Variants in CAMK2G observed in about 807,000 individuals in gnomAD.
CAMK2G encodes the protein calcium/calmodulin-dependent protein kinase type II subunit gamma.
CAMK2G carries 23 observed loss-of-function variants against 88.7 expected under a neutral mutation model. That is an observed-to-expected ratio of 0.26 (90% CI 0.19 to 0.37). The LOEUF (loss-of-function observed/expected upper bound fraction) is 0.37, where lower values mean the gene tolerates loss of function less well. CAMK2G is among the 10% of genes least tolerant of loss of function. The pLI, the probability that CAMK2G is intolerant of heterozygous loss-of-function variation, is 1.00. For synonymous variants in CAMK2G, 263 were observed against 294.8 expected, an observed-to-expected ratio of 0.89 and a Z score of 1.11; for missense variants, 476 against 780.8, an observed-to-expected ratio of 0.61 and a Z score of 4.65.
chr10:73,841,316 AG>A (rs991901255), intron 12 of CAMK2G, among the ~76,000 whole-genome samples: 1 of 151,990 alleles, frequency 6.6e-6, no homozygotes, highest in African/African-American at 2.4e-5. Flanking sequence ...GGGAAGGAGA[AG>A]GGGGGGTCTT....
intron 21 of CAMK2G, chr10:73,816,171 G>A (rs945283846): frequency 1.0e-6 from 1 of 985,490 alleles, no homozygotes; most frequent in Non-Finnish European, 1.2e-6. Context: ...ATGGGAGGGG[G>A]TGATGATTCA....
intron 2 of CAMK2G, among the ~76,000 whole-genome samples, chr10:73,861,352 C>G (rs931848116): frequency 2.0e-5 from 3 of 152,250 alleles, no homozygotes; most frequent in African/African-American, 7.2e-5. Context: ...CCAGGGTGTC[C>G]AGAATCTCTT....
At chr10:73,857,127 T>C (rs1015376841) in intron 3 of CAMK2G, among the ~76,000 whole-genome samples, 1 of 152,192 alleles carries the variant, frequency 6.6e-6, no homozygotes, top group Non-Finnish European at 1.5e-5. Flanking sequence ...ATTCAATGTT[T>C]CTTTTTATTT....
chr10:73,847,577 C>T (rs530222672), intron 9 of CAMK2G, among the ~76,000 whole-genome samples: 17 of 152,226 alleles, frequency 1.1e-4, no homozygotes, highest in South Asian at 2.1e-4. Flanking sequence ...CAGATTAGAG[C>T]GGGAAGGGGA....
intron 2 of CAMK2G, among the ~76,000 whole-genome samples, chr10:73,865,906 C>T (rs1244429498): frequency 6.6e-6 from 1 of 151,508 alleles, no homozygotes; most frequent in Non-Finnish European, 1.5e-5. Flanking sequence ...ACAACTGCCA[C>T]TTCCCGCTTT....
In CAMK2G at chr10:73,821,645, T is replaced by C. The variant is rs780753128; in HGVS notation, c.1249+37A>G. ...ATTGGAGCCCAGGTACCTGGGTCAC[T>C]GCTGGAGTCCTTCCCCCTCCAAGGG... On this transcript the variant is annotated intron_variant, in intron 18 of 22. Coordinates refer to ENST00000423381, the MANE Select transcript of CAMK2G (RefSeq NM_001367534.1). 12 of 1,556,410 alleles carry C rather than the reference T, an allele frequency of 7.7e-6. No homozygotes were observed. In the South Asian group the frequency reaches 1.4e-4, roughly 18 times the overall value.
chr10:73,870,412 T>C (rs1361711387), intron 2 of CAMK2G, among the ~76,000 whole-genome samples: 1 of 152,152 alleles, frequency 6.6e-6, no homozygotes, highest in Non-Finnish European at 1.5e-5. Context: ...CCTTGCAACC[T>C]AGCCGCCAAT....
intron 2 of CAMK2G, among the ~76,000 whole-genome samples, chr10:73,870,197 T>C (rs975987669): frequency 6.6e-6 from 1 of 152,208 alleles, no homozygotes; most frequent in African/African-American, 2.4e-5. Context: ...CCTGGCCCAC[T>C]AGCTCCTGCA....
chr10:73,859,250 T>TG (rs1168354495), intron 3 of CAMK2G, among the ~76,000 whole-genome samples: 1 of 152,110 alleles, frequency 6.6e-6, no homozygotes, highest in Non-Finnish European at 1.5e-5. Flanking sequence ...TCATAGTGGG[T>TG]GACAAGGACA....
chr10:73,845,898 TCC>T (rs1428820548), intron 10 of CAMK2G, among the ~76,000 whole-genome samples: 2 of 150,598 alleles, frequency 1.3e-5, no homozygotes, highest in African/African-American at 2.4e-5. Flanking sequence ...AATTTTCAAT[TCC>T]CTTCTTTTTT....
Position 73,849,239 on chromosome 10 carries a change from C to T in CAMK2G, c.414+22G>A, listed in dbSNP as rs113189683. The T allele has an allele frequency of 5.1e-5, 82 of 1,606,984 alleles. 1 individual carries two copies. The highest frequency in any genetic ancestry group is 3.3e-4 in the Middle Eastern group (2 of 6,052). On this transcript the variant is annotated intron_variant, in intron 6 of 22. Coordinates refer to ENST00000423381, the MANE Select transcript of CAMK2G (RefSeq NM_001367534.1). ...CGCCAACACTTCATGAGCAGAGGCA[C>T]GGAGGGGAGCCTGGGTAGTACCTTC...
intron 10 of CAMK2G, chr10:73,846,355 G>A (rs1004685771): frequency 2.0e-5 from 3 of 152,112 alleles, no homozygotes; most frequent in African/African-American, 4.8e-5. Flanking sequence ...TGAGGACCTC[G>A]TTATTTGCCA....
rs767586619 is a variant in CAMK2G, at chr10:73,874,353, C to T, written c.65+44G>A. ...GGCGGGGCGAGAAGCCGCATAGCTCCCGGGCGGCAGGGCAGGCAGGGGACC... is the reference window on the plus strand; with the variant it reads ...GGCGGGGCGAGAAGCCGCATAGCTCTCGGGCGGCAGGGCAGGCAGGGGACC... On this transcript the variant is annotated intron_variant, in intron 1 of 22. Transcript: ENST00000423381. 4.4e-6 allele frequency: 6 copies of T among 1,373,546 alleles called. No individual in the cohort carries two copies. The South Asian group carries it at 7.6e-5, about 17-fold the overall frequency. The allele number at this position is 1,373,546 out of a possible 1,614,324, so 85.1% of individuals were successfully genotyped here. A position where few individuals can be genotyped will look rare whatever the true frequency, so the allele number is the denominator to read the frequency against.
At position 73,848,621 on chromosome 10, in the gene CAMK2G, G is replaced by C. The variant is rs1373371511; in HGVS notation, c.518-12C>G. The C allele has an allele frequency of 6.5e-7, 1 of 1,549,280 alleles. No individual in the cohort carries two copies. The highest frequency in any genetic ancestry group is 2.3e-5 in the East Asian group (1 of 44,252). The stretch of plus-strand genomic sequence containing the variant: ...GGTGCCAGCAAAACCTGTAGCAAAA[G>C]AGAGGGCAGAGGCATACTGAACCCA... On this transcript the variant is annotated splice_polypyrimidine_tract_variant and intron_variant, in intron 7 of 22. Transcript: ENST00000423381. This position sits in a 1 kb window ranked among gnomAD's most constrained non-coding sequence, Gnocchi z 4.5.
chr10:73,873,645 T>C, intron 1 of CAMK2G: 1 of 436,574 alleles, frequency 2.3e-6, no homozygotes, highest in Non-Finnish European at 3.0e-6. Flanking sequence ...CAGTCAGACA[T>C]CAAGAACTCC....
chr10:73,819,668 G>A, intron 18 of CAMK2G, 23 bp from the exon 19 acceptor site: 1 of 1,414,896 alleles, frequency 7.1e-7, no homozygotes, highest in Non-Finnish European at 9.6e-7. Flanking sequence ...GGCAGGGCAG[G>A]GCAGGGCAAG....
intron 2 of CAMK2G, among the ~76,000 whole-genome samples, chr10:73,865,995 A>C (rs1312943103): frequency 6.6e-6 from 1 of 151,974 alleles, no homozygotes. Flanking sequence ...GCCCAGCTCC[A>C]ACCACAGCCC....
chr10:73,833,935 T>TTC (rs2092876255), intron 14 of CAMK2G, among the ~76,000 whole-genome samples: 1 of 129,524 alleles, frequency 7.7e-6, no homozygotes, highest in African/African-American at 3.0e-5. Context: ...TTTTTTTTTT[T>TTC]TGAGACGGAG....
In CAMK2G at chr10:73,812,511, A is replaced by G. The variant is rs2084480042; in HGVS notation, c.*2007T>C. The stretch of plus-strand genomic sequence containing the variant: ...AGCAGTAACACAATGGACTGTTTAA[A>G]GGTTATTTTATTAAATATTTTCAGT... On this transcript the variant is annotated 3_prime_UTR_variant, in exon 23 of 23. Coordinates refer to ENST00000423381, the MANE Select transcript of CAMK2G (RefSeq NM_001367534.1). The G allele has an allele frequency of 6.6e-6, 1 of 152,644 alleles. No homozygotes were observed. The highest frequency in any genetic ancestry group is 2.1e-4 in the South Asian group (1 of 4,838). 9.5% of individuals were successfully genotyped at this position (152,644 alleles called of 1,614,324 possible).
Sources: gnomAD v4.1 joint callset for allele counts (sites outside exome capture counted in the v4.1 genomes callset) on GRCh38, gnomAD v4.1.1 for gene constraint, Gnocchi (gnomAD v3.1) non-coding constraint, MANE v1.5 for transcripts, NCBI Gene and HGNC (gene_info 2026-07-23, HGNC 2026-07-21) for gene names.